The following ESYT2 variants were observed in gnomAD, a reference collection of about 807,000 sequenced individuals.
ESYT2 encodes extended synaptotagmin 2.
In ESYT2, 54 loss-of-function variants were observed where a neutral mutation model predicts 107.2. That is an observed-to-expected ratio of 0.50 (90% CI 0.40 to 0.63). ESYT2 has a LOEUF of 0.63. Ranked by LOEUF, ESYT2 falls within the 30% of genes least tolerant of loss-of-function variation. ESYT2 has a pLI of 0.00. For missense variants in ESYT2, 1,020 were observed against 1,094.5 expected (o/e 0.93, Z 0.96); for synonymous variants, 491 against 434.1 (o/e 1.13, Z -1.63).
chr7:158,798,553 G>A (rs1303144579), intron 2 of ESYT2, among the ~76,000 whole-genome samples: 1 of 141,806 alleles, frequency 7.1e-6, no homozygotes, highest in Non-Finnish European at 1.5e-5. Flanking sequence ...GGCTGAGGCA[G>A]GAGAATCACT....
rs2305467 is a variant in ESYT2 at position 158,737,198 on chromosome 7, T to G, written c.2268-19A>C. 0.19 allele frequency: 307,341 copies of G among 1,611,458 alleles called. 34,799 individuals carry two copies. The highest frequency in any genetic ancestry group is 0.56 in the East Asian group (25,288 of 44,778). On this transcript the variant is annotated intron_variant, in intron 19 of 22. Transcript: ENST00000275418. ...GAGGTTTCTTACAACACAAACCAGA[T>G]AAGACGAGGTATTAGGACCGAGAAA...
intron 6 of ESYT2, among the ~76,000 whole-genome samples, chr7:158,774,476 G>A (rs1838479502): frequency 3.3e-5 from 1 of 30,718 alleles, no homozygotes; most frequent in Non-Finnish European, 6.7e-5. Flanking sequence ...TTTTTCCCTA[G>A]TCCACCCATT....
chr7:158,805,137 TAGC>T (rs1319353004), intron 1 of ESYT2, among the ~76,000 whole-genome samples: 4 of 152,188 alleles, frequency 2.6e-5, no homozygotes, highest in African/African-American at 9.7e-5. Flanking sequence ...CTGCTGAACT[TAGC>T]AGTAGAGTGA....
Position 158,821,589 on chromosome 7 carries a change from A to G in ESYT2, c.330+7500T>C, listed in dbSNP as rs150670563. 1.2e-4 allele frequency among the ~76,000 whole-genome samples: 19 copies of G among 152,352 alleles called. 1 individual carries two copies. Among genetic ancestry groups the G allele is most frequent in the African/African-American group, 4.3e-4 (18 of 41,590 alleles). ...CACGTCCCTGCATCCTGTAAATCAG[A>G]ACTGCCCTGAGGGCCTGGGCCAGCC... On this transcript the variant is annotated intron_variant, in intron 1 of 22. Coordinates refer to ENST00000275418, the MANE Select transcript of ESYT2 (RefSeq NM_001367773.1).
Position 158,824,585 on chromosome 7 carries a change from T to C in ESYT2, c.330+4504A>G, listed in dbSNP as rs71547572. On this transcript the variant is annotated intron_variant, in intron 1 of 22. Transcript: ENST00000275418. The stretch of plus-strand genomic sequence containing the variant: ...AAGCTCTCCCCAGAGAAAGTTTGTA[T>C]ACAAAAGTACAGAACAACATAACCA... Among the ~76,000 whole-genome samples the C allele has an allele frequency of 5.6e-3, 858 of 152,312 alleles. 5 individuals are homozygous for C. Among genetic ancestry groups the C allele is most frequent in the Non-Finnish European group, 9.5e-3 (645 of 68,032 alleles).
chr7:158,751,973 G>A (rs1837601917), intron 14 of ESYT2, among the ~76,000 whole-genome samples: 3 of 152,130 alleles, frequency 2.0e-5, no homozygotes, highest in African/African-American at 7.2e-5. Flanking sequence ...GACGAAGTGG[G>A]GGTTCGCAAA....
Position 158,739,798 on chromosome 7 carries a change from C to A in ESYT2, c.2169-677G>T, listed in dbSNP as rs79801010. Among the ~76,000 whole-genome samples the A allele has an allele frequency of 5.0e-3, 753 of 151,964 alleles. 5 individuals carry two copies. The highest frequency in any genetic ancestry group is 0.016 in the African/African-American group (651 of 41,402). ...AGGACGGGAGGTTATTTATACCCCC[C>A]CCTTCGCAGTTCAGATGCAACAACC... is the stretch of plus-strand genomic sequence containing the variant. On this transcript the variant is annotated intron_variant, in intron 18 of 22. Transcript: ENST00000275418.
At position 158,782,068 on chromosome 7, in the gene ESYT2, GTGGTGTA is replaced by G. The variant is rs1420665287; in HGVS notation, c.747+5929_747+5935del. On this transcript the variant is annotated intron_variant, in intron 6 of 22. Coordinates refer to ENST00000275418, the MANE Select transcript of ESYT2 (RefSeq NM_001367773.1). The stretch of plus-strand genomic sequence containing the variant: ...ACAAGTGTGAGTGAACGTGTGAAGT[GTGGTGTA>G]TGTAAGAACAAATGTGAGTGAACGA... 1.1e-4 allele frequency among the ~76,000 whole-genome samples: 13 copies of G among 120,772 alleles called. No individual in the cohort carries two copies. In the East Asian group the frequency reaches 2.5e-3, roughly 23 times the overall value. 79.2% of individuals were successfully genotyped at this position (120,772 alleles called of 152,430 possible). A position where few individuals can be genotyped will look rare whatever the true frequency, so the allele number is the denominator to read the frequency against.
chr7:158,748,264 T>C lies in ESYT2; in HGVS notation c.1574A>G (p.Asn525Ser), dbSNP rs769453791. 9 of 1,614,024 alleles carry C rather than the reference T, an allele frequency of 5.6e-6. No individual in the cohort carries two copies. Among genetic ancestry groups the C allele is most frequent in the African/African-American group, 4.0e-5 (3 of 74,950 alleles). Reference protein sequence around the residue: ...AQESKIRYKTNEPVWEENFTF... With the variant: ...AQESKIRYKTSEPVWEENFTF... ...GAAGTTTTCCTCCCACACAGGTTCA[T>C]TGGTTTTGTATCGAATCTAGAAGAA... Residue 525 changes from asparagine (N) to serine (S), a missense_variant, in exon 16 of 23, where the codon AAT becomes AGT. Coordinates refer to ENST00000275418, the MANE Select transcript of ESYT2 (RefSeq NM_001367773.1).
intron 1 of ESYT2, among the ~76,000 whole-genome samples, chr7:158,821,989 C>T (rs1249683404): frequency 6.6e-6 from 1 of 152,078 alleles, no homozygotes; most frequent in African/African-American, 2.4e-5. Context: ...GAGCCATCAC[C>T]ACAGCCCGCC....
At chr7:158,817,444 C>G (rs1044894855) in intron 1 of ESYT2, among the ~76,000 whole-genome samples, 7 of 152,232 alleles carry the variant, frequency 4.6e-5, no homozygotes, top group African/African-American at 1.7e-4. Context: ...CAGCTATGAT[C>G]TGGAGCGCTC....
chr7:158,752,727 A>G (rs1587389912), intron 14 of ESYT2, 54 bp downstream of exon 14: 13 of 1,170,884 alleles, frequency 1.1e-5, no homozygotes, highest in Non-Finnish European at 1.4e-5. Flanking sequence ...ACAAAGTATC[A>G]TCTCTTTCAA....
intron 13 of ESYT2, among the ~76,000 whole-genome samples, chr7:158,758,517 A>G (rs1206980798): frequency 5.3e-5 from 8 of 152,204 alleles, no homozygotes; most frequent in African/African-American, 1.2e-4. Context: ...ACAAAGGGAG[A>G]AAAGACACAG....
At chr7:158,783,300 G>GAGTA (rs1194595757) in intron 6 of ESYT2, among the ~76,000 whole-genome samples, 9 of 152,150 alleles carry the variant, frequency 5.9e-5, no homozygotes, top group Admixed American at 5.9e-4. Flanking sequence ...AATCCGTTGT[G>GAGTA]ACGGGTGTGG....
chr7:158,761,842 A>G (rs1475449004), intron 10 of ESYT2, among the ~76,000 whole-genome samples: 1 of 152,132 alleles, frequency 6.6e-6, no homozygotes, highest in Non-Finnish European at 1.5e-5. Flanking sequence ...ACAAAAACAA[A>G]AACAACTCAT....
intron 6 of ESYT2, among the ~76,000 whole-genome samples, chr7:158,776,216 G>T (rs1332840014): frequency 6.6e-6 from 1 of 151,544 alleles, no homozygotes; most frequent in Admixed American, 6.6e-5. Context: ...GATTCTTAAG[G>T]GCCCAAGGGT....
chr7:158,776,544 T>C (rs1375699925), intron 6 of ESYT2, among the ~76,000 whole-genome samples: 1 of 152,238 alleles, frequency 6.6e-6, no homozygotes, highest in Admixed American at 6.5e-5. Context: ...CAAACTTTTC[T>C]TCTGCAACTT....
chr7:158,805,029 G>A (rs1353404345), intron 1 of ESYT2, among the ~76,000 whole-genome samples: 4 of 152,310 alleles, frequency 2.6e-5, no homozygotes, highest in Admixed American at 2.6e-4. Context: ...CCAGGCACAC[G>A]GCGCTTCAAT....
At chr7:158,734,914 C>CT (rs888583560) in intron 21 of ESYT2, among the ~76,000 whole-genome samples, 4 of 152,056 alleles carry the variant, frequency 2.6e-5, no homozygotes, top group African/African-American at 9.7e-5. Context: ...AAGGCTCTTA[C>CT]TTTTTCAATC....
Sources: gnomAD v4.1 joint callset for allele counts (sites outside exome capture counted in the v4.1 genomes callset) on GRCh38, gnomAD v4.1.1 for gene constraint, MANE v1.5 for transcripts, NCBI Gene and HGNC (gene_info 2026-07-23, HGNC 2026-07-21) for gene names.